FER: variants seen among roughly 807,000 people sequenced by gnomAD.
The protein encoded by FER is FER tyrosine kinase.
Under a neutral mutation model 111.0 loss-of-function variants are expected in FER, and 63 were observed. The observed-to-expected ratio is 0.57, with a 90% confidence interval of 0.46 to 0.70. The LOEUF is 0.70. Among genes scored for constraint, FER ranks in the 30% least tolerant of loss-of-function variants. FER has a pLI of 0.00. For synonymous variants in FER, 327 were observed against 313.9 expected, an observed-to-expected ratio of 1.04 and a Z score of -0.44; for missense variants, 914 against 954.0, an observed-to-expected ratio of 0.96 and a Z score of 0.55.
intron 16 of FER, among the ~76,000 whole-genome samples, chr5:109,066,152 G>A (rs1387968100): frequency 6.6e-6 from 1 of 152,000 alleles, no homozygotes; most frequent in East Asian, 1.9e-4. Context: ...TTAGTTTCAG[G>A]AACCTTTACC....
intron 10 of FER, among the ~76,000 whole-genome samples, chr5:108,917,128 A>G (rs1344101350): frequency 6.6e-6 from 1 of 152,166 alleles, no homozygotes; most frequent in Non-Finnish European, 1.5e-5. Flanking sequence ...CCAGAGAACT[A>G]TGATACAAAG....
At chr5:108,950,141 G>T (rs73209355) in intron 11 of FER, among the ~76,000 whole-genome samples, 1,811 of 152,132 alleles carry the variant, frequency 0.012, 18 homozygotes, top group Non-Finnish European at 0.02. Context: ...CCAAGAAGGG[G>T]TACAAAAAGG....
At chr5:109,155,102 A>C (rs1189988825) in intron 17 of FER, among the ~76,000 whole-genome samples, 1 of 151,918 alleles carries the variant, frequency 6.6e-6, no homozygotes, top group Non-Finnish European at 1.5e-5. Context: ...CAAAAGTAAC[A>C]TGTCACACAT....
Position 108,883,447 on chromosome 5 carries a change from CAAG to C in FER, c.976_978del (p.Lys326del), listed in dbSNP as rs748119735. 1 of 1,608,614 alleles carries C rather than the reference CAAG, an allele frequency of 6.2e-7. No homozygotes were observed. Among genetic ancestry groups the C allele is most frequent in the Non-Finnish European group, 8.5e-7 (1 of 1,176,540 alleles). ...TGCAAACACAGCAGATGCTTTTAAA[CAAG>C]GAGGAGGCTGTTTTGGAGTTAGAGA... is the stretch of plus-strand genomic sequence containing the variant. On this transcript the variant is annotated inframe_deletion, in exon 9 of 20. Coordinates refer to ENST00000281092, the MANE Select transcript of FER (RefSeq NM_005246.4).
chr5:109,024,975 C>G (rs1277267760), intron 13 of FER, among the ~76,000 whole-genome samples: 3 of 151,358 alleles, frequency 2.0e-5, no homozygotes, highest in East Asian at 1.9e-4. Context: ...TTCCATTGAT[C>G]TATATCTCTG....
At chr5:108,988,296 T>C (rs367815080) in intron 13 of FER, among the ~76,000 whole-genome samples, 2 of 152,178 alleles carry the variant, frequency 1.3e-5, no homozygotes, top group South Asian at 2.1e-4. Flanking sequence ...TAGGATGATA[T>C]TGGCTTCATA....
Position 108,889,385 on chromosome 5 carries a change from T to G in FER, c.1046+5867T>G, listed in dbSNP as rs1449159307. 2.6e-5 allele frequency among the ~76,000 whole-genome samples: 4 copies of G among 151,838 alleles called. No homozygotes were observed. The East Asian group carries it at 7.8e-4, about 30-fold the overall frequency. On this transcript the variant is annotated intron_variant, in intron 9 of 19. Coordinates refer to ENST00000281092, the MANE Select transcript of FER (RefSeq NM_005246.4). ...TTCAGCCATTAAAAAAAGAATGAGA[T>G]CCTGTCATTTTCAACATGGATGGCA...
chr5:108,831,164 G>A (rs1173612226), intron 3 of FER, among the ~76,000 whole-genome samples: 1 of 152,074 alleles, frequency 6.6e-6, no homozygotes, highest in Non-Finnish European at 1.5e-5. Context: ...TAGGCTGCAA[G>A]GACTGCTACA....
intron 13 of FER, among the ~76,000 whole-genome samples, chr5:108,985,911 C>T (rs1347514241): frequency 6.6e-6 from 1 of 152,066 alleles, no homozygotes; most frequent in Non-Finnish European, 1.5e-5. Flanking sequence ...TATGCAAATA[C>T]CTTTTTCGTA....
At chr5:109,093,619 A>T (rs186078761) in intron 16 of FER, among the ~76,000 whole-genome samples, 1 of 152,278 alleles carries the variant, frequency 6.6e-6, no homozygotes, top group Non-Finnish European at 1.5e-5. Context: ...TATCTGGGTT[A>T]TGATACATTC....
intron 13 of FER, among the ~76,000 whole-genome samples, chr5:109,024,072 C>A (rs897282036): frequency 2.0e-5 from 3 of 152,066 alleles, no homozygotes; most frequent in Non-Finnish European, 4.4e-5. Context: ...CTGAAAGAGG[C>A]CATGTTGCTG....
chr5:108,946,267 T>A, intron 11 of FER, 45 bp downstream of exon 11: 1 of 1,351,720 alleles, frequency 7.4e-7, no homozygotes, highest in Non-Finnish European at 1.1e-6. Flanking sequence ...GGTCATTGTC[T>A]AGCTTCTTTC....
At chr5:108,806,441 C>T (rs1374500343) in intron 3 of FER, among the ~76,000 whole-genome samples, 1 of 152,216 alleles carries the variant, frequency 6.6e-6, no homozygotes, top group Non-Finnish European at 1.5e-5. Context: ...GGCTACCGTC[C>T]TCCAGACCCC....
At chr5:109,030,044 T>G (rs1404737435) in intron 13 of FER, among the ~76,000 whole-genome samples, 2 of 152,164 alleles carry the variant, frequency 1.3e-5, no homozygotes, top group Non-Finnish European at 1.5e-5. Context: ...AATTGGGTAA[T>G]CTATTGATCT....
Position 108,872,232 on chromosome 5 carries a change from CA to C in FER, c.923+22del. ...AGTAATGTAAGTATTCACAAAATAT[CA>C]ACAGTTTAAATACTAGTATTATTAT... On this transcript the variant is annotated intron_variant, in intron 8 of 19. Coordinates refer to ENST00000281092, the MANE Select transcript of FER (RefSeq NM_005246.4). The C allele has an allele frequency of 6.3e-7, 1 of 1,583,304 alleles. No homozygotes were observed. Among genetic ancestry groups the C allele is most frequent in the Non-Finnish European group, 8.6e-7 (1 of 1,163,662 alleles).
intron 5 of FER, among the ~76,000 whole-genome samples, chr5:108,839,549 C>G (rs1356381171): frequency 6.6e-6 from 1 of 150,906 alleles, no homozygotes; most frequent in South Asian, 2.1e-4. Context: ...GAAATTCTTC[C>G]TACCCCAACC....
chr5:109,058,445 A>T (rs1773916329), intron 16 of FER, among the ~76,000 whole-genome samples: 1 of 152,076 alleles, frequency 6.6e-6, no homozygotes, highest in Non-Finnish European at 1.5e-5. Flanking sequence ...AGTATTTAAA[A>T]TTAAAATGGT....
chr5:109,108,996 A>T (rs192007915), intron 17 of FER, among the ~76,000 whole-genome samples: 27 of 152,276 alleles, frequency 1.8e-4, no homozygotes, highest in Admixed American at 6.5e-4. Flanking sequence ...TTTCAGTCCC[A>T]GGCTTCTCTT....
rs566397318 is a variant in FER, at chr5:108,916,715, G to A, written c.1236+18867G>A. ...ATTTATTAGGCCCCAGTGTAGGTGT[G>A]TTATTATAAAAGAAAATTGCCAGAA... On this transcript the variant is annotated intron_variant, in intron 10 of 19. Transcript: ENST00000281092. Among the ~76,000 whole-genome samples, 6 of 152,202 alleles carry A rather than the reference G, an allele frequency of 3.9e-5. No homozygotes were observed. The East Asian group carries it at 5.8e-4, about 15-fold the overall frequency.
Sources: gnomAD v4.1 joint callset for allele counts (sites outside exome capture counted in the v4.1 genomes callset) on GRCh38, gnomAD v4.1.1 for gene constraint, MANE v1.5 for transcripts, NCBI Gene and HGNC (gene_info 2026-07-23, HGNC 2026-07-21) for gene names.